MYO16: variants seen among roughly 807,000 people sequenced by gnomAD.
MYO16 encodes the protein myosin XVI.
MYO16 carries 94 observed loss-of-function variants against 205.3 expected under a neutral mutation model. The observed-to-expected ratio is 0.46, with a 90% CI of 0.39 to 0.54. The LOEUF (loss-of-function observed/expected upper bound fraction) is 0.54. MYO16 is among the 20% of genes least tolerant of loss of function. The pLI is 0.00. For missense variants in MYO16, 2,315 were observed against 2,387.5 expected, an observed-to-expected ratio of 0.97 and a Z score of 0.63; for synonymous variants, 988 against 954.0, an observed-to-expected ratio of 1.04 and a Z score of -0.66.
intron 7 of MYO16, among the ~76,000 whole-genome samples, chr13:108,813,970 A>G (rs900199253): frequency 2.0e-5 from 3 of 152,206 alleles, no homozygotes; most frequent in African/African-American, 7.2e-5. Context: ...TATTGACTTT[A>G]CGAAAAGAAA....
chr13:109,145,754 T>G (rs1338842031), intron 32 of MYO16, among the ~76,000 whole-genome samples: 3 of 152,230 alleles, frequency 2.0e-5, no homozygotes. Context: ...GGTGCTCCAT[T>G]GCTCTGAATG....
At chr13:108,607,756 T>A (rs565122262) in intron 1 of MYO16, among the ~76,000 whole-genome samples, 1 of 152,304 alleles carries the variant, frequency 6.6e-6, no homozygotes, top group African/African-American at 2.4e-5. Context: ...CTGCCTCTTG[T>A]GGAGCTTTTT....
intron 12 of MYO16, among the ~76,000 whole-genome samples, chr13:108,882,425 G>A (rs907420097): frequency 1.3e-5 from 2 of 152,078 alleles, no homozygotes; most frequent in African/African-American, 4.8e-5. Context: ...TGAAGATACA[G>A]GCCAGTTATT....
intron 1 of MYO16, among the ~76,000 whole-genome samples, chr13:108,608,298 C>T (rs978293655): frequency 6.6e-6 from 1 of 152,128 alleles, no homozygotes; most frequent in Non-Finnish European, 1.5e-5. Context: ...TCCCCTGTAG[C>T]TATGTGGGTG....
chr13:108,886,774 C>G (rs1354233549), intron 13 of MYO16, among the ~76,000 whole-genome samples: 1 of 152,092 alleles, frequency 6.6e-6, no homozygotes, highest in African/African-American at 2.4e-5. Context: ...CGGGTCGGAG[C>G]TTCTCGGGGG....
At chr13:109,155,398 G>C (rs984675959) in intron 32 of MYO16, among the ~76,000 whole-genome samples, 2 of 152,110 alleles carry the variant, frequency 1.3e-5, no homozygotes, top group African/African-American at 2.4e-5. Context: ...TTTCATAAGG[G>C]GTTATTAACA....
chr13:108,863,987 A>G (rs891811665), intron 11 of MYO16, among the ~76,000 whole-genome samples: 3 of 152,078 alleles, frequency 2.0e-5, no homozygotes, highest in Admixed American at 2.0e-4. Context: ...TACCATCTTC[A>G]TCTGTTTTTA....
intron 16 of MYO16, among the ~76,000 whole-genome samples, chr13:108,957,400 A>AAAG (rs1883406530): frequency 6.6e-6 from 1 of 151,466 alleles, no homozygotes; most frequent in Non-Finnish European, 1.5e-5. Flanking sequence ...AAAAAAAAAA[A>AAAG]ACAAAAACAT....
intron 31 of MYO16, among the ~76,000 whole-genome samples, chr13:109,130,980 C>T (rs1212219567): frequency 6.6e-6 from 1 of 152,100 alleles, no homozygotes; most frequent in Non-Finnish European, 1.5e-5. Flanking sequence ...CTTAGACAAC[C>T]CTGATTCTAA....
intron 2 of MYO16, among the ~76,000 whole-genome samples, chr13:108,672,157 A>G (rs1306974996): frequency 6.6e-6 from 1 of 152,196 alleles, no homozygotes; most frequent in Non-Finnish European, 1.5e-5. Context: ...TGCAAATGAA[A>G]GTAATCTCTT....
At chr13:108,903,490 G>A (rs1880812617) in intron 15 of MYO16, among the ~76,000 whole-genome samples, 1 of 152,084 alleles carries the variant, frequency 6.6e-6, no homozygotes, top group African/African-American at 2.4e-5. Flanking sequence ...TACATTCCAA[G>A]GTATTGAGGA....
intron 16 of MYO16, among the ~76,000 whole-genome samples, chr13:108,934,564 T>C (rs575003952): frequency 6.6e-6 from 1 of 152,322 alleles, no homozygotes; most frequent in Admixed American, 6.5e-5. Context: ...ACTCTGTTGA[T>C]AGTTTTTTTC....
chr13:108,532,276 G>T, the MYO16 span, among the ~76,000 whole-genome samples: 1 of 151,880 alleles, frequency 6.6e-6, no homozygotes, highest in Non-Finnish European at 1.5e-5. Context: ...ACTACTTCAA[G>T]AAGAGGGGTA....
At chr13:108,673,293 C>T (rs1274791560) in intron 2 of MYO16, among the ~76,000 whole-genome samples, 4 of 151,810 alleles carry the variant, frequency 2.6e-5, no homozygotes, top group African/African-American at 9.7e-5. Flanking sequence ...GTCCAAAGGC[C>T]AGGAGAAGTA....
rs781781234 is a variant in MYO16 at position 108,712,720 on chromosome 13, C to T, written c.352C>T (p.Leu118=). ...CACCCTCGTCTCCTCGGGAGGGTCC[C>T]TGCTCCATCTGGTAAGAACCGCGAC... ...PHTLVSSGGS[L]LHLCARYDNA... Residue 118 remains leucine, a synonymous_variant, in exon 3 of 35, where the codon CTG becomes TTG. Transcript: ENST00000457511. 8.7e-6 allele frequency: 14 copies of T among 1,613,320 alleles called. No homozygotes were observed. The Middle Eastern group carries it at 1.8e-3, about 209-fold the overall frequency.
At chr13:108,936,091 TCC>T (rs1882466213) in intron 16 of MYO16, among the ~76,000 whole-genome samples, 3 of 20,316 alleles carry the variant, frequency 1.5e-4, no homozygotes, top group Admixed American at 6.6e-4. Flanking sequence ...ATAGTTTCCT[TCC>T]TTCCTTCCTT....
At chr13:109,046,870 A>T in intron 23 of MYO16, 46 bp from the exon 24 acceptor site, 2 of 1,443,808 alleles carry the variant, frequency 1.4e-6, no homozygotes, top group Non-Finnish European at 1.9e-6. Flanking sequence ...TTATTTTCAC[A>T]GTCATGTTGA....
chr13:108,743,832 T>C (rs1316356078), intron 4 of MYO16, among the ~76,000 whole-genome samples: 1 of 152,208 alleles, frequency 6.6e-6, no homozygotes, highest in Non-Finnish European at 1.5e-5. Flanking sequence ...CTTACATTGA[T>C]AGATCAAAAT....
In MYO16 at chr13:109,206,950, A is replaced by G. The variant is rs1880624396; in HGVS notation, c.*114A>G. The G allele has an allele frequency of 7.2e-6, 6 of 836,436 alleles. No homozygotes were observed. In the East Asian group the frequency reaches 1.6e-4, roughly 22 times the overall value. The allele number at this position is 836,436 out of a possible 1,614,324, so 51.8% of individuals were successfully genotyped here. On this transcript the variant is annotated 3_prime_UTR_variant, in exon 35 of 35. Transcript: ENST00000457511. Reference sequence around the variant, plus strand: ...GCTTCTCTCCACGCATTTAGACAAAAAAAGCACAGGACACAGACACTAAAT... The same window carrying G: ...GCTTCTCTCCACGCATTTAGACAAAGAAAGCACAGGACACAGACACTAAAT...
Sources: gnomAD v4.1 joint callset for allele counts (sites outside exome capture counted in the v4.1 genomes callset) on GRCh38, gnomAD v4.1.1 for gene constraint, MANE v1.5 for transcripts, NCBI Gene and HGNC (gene_info 2026-07-23, HGNC 2026-07-21) for gene names.